Variants in TTC6 observed in about 807,000 individuals in gnomAD.
TTC6 encodes tetratricopeptide repeat domain 6.
TTC6 carries 172 observed loss-of-function variants against 210.4 expected under a neutral mutation model. The ratio of observed to expected loss-of-function variants is 0.82; its 90% CI spans 0.72 to 0.93. The LOEUF (loss-of-function observed/expected upper bound fraction) is 0.93, where lower values mean the gene tolerates loss of function less well. TTC6 is among the 40% of genes least tolerant of loss of function. TTC6 has a pLI of 0.00. For missense variants in TTC6, 2,414 were observed against 2,318.1 expected (o/e 1.04, Z -0.85); for synonymous variants, 804 against 819.6 (o/e 0.98, Z 0.32).
intron 14 of TTC6, among the ~76,000 whole-genome samples, chr14:37,765,498 A>C (rs895104947): frequency 6.6e-6 from 1 of 152,102 alleles, no homozygotes; most frequent in Non-Finnish European, 1.5e-5. Context: ...ACATCCTTAT[A>C]CATTGTATGC....
chr14:37,714,721 A>G (rs1186637639), exon 6 of TTC6: 9 of 1,535,620 alleles, frequency 5.9e-6, no homozygotes, highest in Non-Finnish European at 7.8e-6. Context: ...CGACACCGCA[A>G]GGGATACCAC....
intron 16 of TTC6, 73 bp downstream of exon 18, chr14:37,790,910 T>C: frequency 7.6e-7 from 1 of 1,307,972 alleles, no homozygotes; most frequent in South Asian, 1.5e-5. Flanking sequence ...GAGAAAAAGT[T>C]TCTTTCCCCT....
At chr14:37,630,346 T>G (rs2095667249) in intron 1 of TTC6, among the ~76,000 whole-genome samples, 1 of 152,208 alleles carries the variant, frequency 6.6e-6, no homozygotes, top group Non-Finnish European at 1.5e-5. Flanking sequence ...TACCCAGTAG[T>G]CATTCAGGAG....
At chr14:37,637,511 T>C (rs2095683261) in intron 1 of TTC6, among the ~76,000 whole-genome samples, 1 of 152,154 alleles carries the variant, frequency 6.6e-6, no homozygotes, top group Non-Finnish European at 1.5e-5. Flanking sequence ...GGGTCATGCC[T>C]GTAGTCCCAG....
At chr14:37,716,288 A>C (rs767367449) in intron 6 of TTC6, among the ~76,000 whole-genome samples, 9 of 152,134 alleles carry the variant, frequency 5.9e-5, no homozygotes, top group Non-Finnish European at 5.9e-5. Flanking sequence ...AGAAAACAGA[A>C]ACAAAAGAAA....
At chr14:37,809,890 C>T (rs2096126318) in intron 24 of TTC6, among the ~76,000 whole-genome samples, 1 of 152,166 alleles carries the variant, frequency 6.6e-6, no homozygotes, top group East Asian at 1.9e-4. Context: ...CATCCTCTTT[C>T]TCTGTTACTT....
rs34194790 is a variant in TTC6 at position 37,776,896 on chromosome 14, CA to C, written c.3267-10562del. ...TGGGCGCAAGAGTGAAACTCCATCT[CA>C]AAAAAAAAATTGCTGAATATGGGCC... On this transcript the variant is annotated intron_variant, in intron 14 of 30. Coordinates refer to ENST00000553443, the Ensembl canonical transcript of TTC6. Among the ~76,000 whole-genome samples the C allele has an allele frequency of 1.0e-4, 15 of 149,560 alleles. 1 individual carries two copies. Among genetic ancestry groups the C allele is most frequent in the African/African-American group, 2.0e-4 (8 of 40,824 alleles).
intron 1 of TTC6, among the ~76,000 whole-genome samples, chr14:37,676,037 G>C (rs1201701416): frequency 6.6e-6 from 1 of 151,458 alleles, no homozygotes; most frequent in Non-Finnish European, 1.5e-5. Context: ...GAATATTCTT[G>C]TTGTATGTTA....
At chr14:37,754,463 G>A (rs999207565) in intron 14 of TTC6, among the ~76,000 whole-genome samples, 5 of 149,842 alleles carry the variant, frequency 3.3e-5, no homozygotes, top group Non-Finnish European at 5.9e-5. Flanking sequence ...ACAGAATTTC[G>A]CTCTTGTCAC....
chr14:37,710,112 A>G (rs1331295941), intron 5 of TTC6, among the ~76,000 whole-genome samples: 2 of 152,164 alleles, frequency 1.3e-5, no homozygotes, highest in Admixed American at 6.5e-5. Context: ...CCCTGTATAC[A>G]TCTTCTATGG....
intron 1 of TTC6, among the ~76,000 whole-genome samples, chr14:37,596,534 G>C (rs1271628293): frequency 6.6e-6 from 1 of 152,238 alleles, no homozygotes; most frequent in South Asian, 2.1e-4. Context: ...ACTTGTCCTG[G>C]GAGAGAGAAC....
chr14:37,743,131 A>G (rs2095925826), intron 10 of TTC6, among the ~76,000 whole-genome samples: 1 of 152,248 alleles, frequency 6.6e-6, no homozygotes, highest in Non-Finnish European at 1.5e-5. Context: ...AGTGATAGCT[A>G]GCAGGTTAAT....
chr14:37,814,090 C>G (rs1388596765), intron 25 of TTC6, among the ~76,000 whole-genome samples: 1 of 152,146 alleles, frequency 6.6e-6, no homozygotes, highest in Non-Finnish European at 1.5e-5. Context: ...TTCCTTTGCT[C>G]AAAACCCTCT....
chr14:37,771,877 G>A (rs930960320), intron 14 of TTC6, among the ~76,000 whole-genome samples: 5 of 152,124 alleles, frequency 3.3e-5, no homozygotes, highest in South Asian at 2.1e-4. Context: ...GAGGAGAGGC[G>A]CTCTGCTTTT....
intron 21 of TTC6, among the ~76,000 whole-genome samples, chr14:37,805,046 C>T (rs189298879): frequency 2.7e-4 from 41 of 152,164 alleles, no homozygotes; most frequent in African/African-American, 8.9e-4. Flanking sequence ...GATTAATATG[C>T]GTTTCCCACC....
intron 10 of TTC6, among the ~76,000 whole-genome samples, chr14:37,745,009 CA>C (rs1222381533): frequency 6.6e-6 from 1 of 151,984 alleles, no homozygotes; most frequent in African/African-American, 2.4e-5. Context: ...CACACACACA[CA>C]CACACCCACA....
At chr14:37,796,867 G>C in exon 20 of TTC6, 1 of 1,611,614 alleles carries the variant, frequency 6.2e-7, no homozygotes, top group Non-Finnish European at 8.5e-7. Context: ...TGAGGTCTTG[G>C]ACGGAATCAG....
In TTC6 at chr14:37,676,893, G is replaced by T. The variant is rs569616654; in HGVS notation, c.940-3258G>T. On this transcript the variant is annotated intron_variant, in intron 1 of 30. Transcript: ENST00000553443. ...CATGGGTTGGATGAGTTTATTTTTG[G>T]GCTTACATTTATTCCATTGATCTAG... Among the ~76,000 whole-genome samples the T allele has an allele frequency of 2.6e-5, 4 of 151,960 alleles. No homozygotes were observed. The South Asian group carries it at 8.3e-4, about 32-fold the overall frequency.
chr14:37,691,482 A>T (rs893318751), intron 3 of TTC6, among the ~76,000 whole-genome samples: 6 of 152,156 alleles, frequency 3.9e-5, no homozygotes, highest in African/African-American at 7.2e-5. Flanking sequence ...AAATTGAAAA[A>T]TTTTTTTGAA....
Sources: gnomAD v4.1 joint callset for allele counts (sites outside exome capture counted in the v4.1 genomes callset) on GRCh38, gnomAD v4.1.1 for gene constraint, MANE v1.5 for transcripts, NCBI Gene and HGNC (gene_info 2026-07-23, HGNC 2026-07-21) for gene names.